Variants in ENOX1 observed in about 807,000 individuals in gnomAD.
ENOX1 encodes ecto-NOX disulfide-thiol exchanger 1.
In ENOX1, 42 loss-of-function variants were observed where a neutral mutation model predicts 82.5. The ratio of observed to expected loss-of-function variants is 0.51; its 90% CI spans 0.40 to 0.66. The LOEUF (loss-of-function observed/expected upper bound fraction) is 0.66. Among genes scored for constraint, ENOX1 ranks in the 30% least tolerant of loss-of-function variants. The probability of loss-of-function intolerance (pLI) is 0.00; values close to 1 mark genes in which losing one functional copy is unlikely to be tolerated. For missense variants in ENOX1, 608 were observed against 811.6 expected (o/e 0.75, Z 3.05); for synonymous variants, 271 against 282.2 (o/e 0.96, Z 0.40).
intron 2 of ENOX1, among the ~76,000 whole-genome samples, chr13:43,613,749 G>T (rs1356987917): frequency 1.3e-5 from 2 of 152,028 alleles, no homozygotes; most frequent in Non-Finnish European, 2.9e-5. Flanking sequence ...CCTATAAGTA[G>T]TAAGAAGATT....
At chr13:43,444,363 T>G (rs1033113328) in intron 3 of ENOX1, among the ~76,000 whole-genome samples, 1 of 152,112 alleles carries the variant, frequency 6.6e-6, no homozygotes, top group Non-Finnish European at 1.5e-5. Context: ...TGAGTGGAGG[T>G]GAAGGCTGAG....
chr13:43,438,715 G>T (rs2056179573), intron 3 of ENOX1, among the ~76,000 whole-genome samples: 1 of 152,148 alleles, frequency 6.6e-6, no homozygotes, highest in Non-Finnish European at 1.5e-5. Context: ...CCTCTGATGG[G>T]CATTGGACTT....
chr13:43,333,842 C>T (rs765580713), intron 9 of ENOX1, among the ~76,000 whole-genome samples: 44 of 152,210 alleles, frequency 2.9e-4, no homozygotes, highest in East Asian at 1.9e-4. Context: ...AGGCTGGTCT[C>T]GAACTCCTGA....
At chr13:43,613,125 A>G (rs1863486814) in intron 2 of ENOX1, among the ~76,000 whole-genome samples, 1 of 152,170 alleles carries the variant, frequency 6.6e-6, no homozygotes, top group East Asian at 1.9e-4. Flanking sequence ...TATTTGAGTG[A>G]TAACAAATTT....
chr13:43,283,229 T>C (rs1464179791), intron 12 of ENOX1, among the ~76,000 whole-genome samples: 5 of 152,178 alleles, frequency 3.3e-5, no homozygotes, highest in Non-Finnish European at 4.4e-5. Flanking sequence ...AATATTCTTA[T>C]ATTTCTTTAG....
intron 5 of ENOX1, among the ~76,000 whole-genome samples, chr13:43,386,898 G>A (rs900196374): frequency 1.3e-5 from 2 of 152,026 alleles, no homozygotes; most frequent in Admixed American, 6.5e-5. Context: ...AAAACTTGAC[G>A]TGGTAACATT....
Position 43,763,824 on chromosome 13 carries a change from G to A in ENOX1, c.-285+22828C>T, listed in dbSNP as rs530066237. Among the ~76,000 whole-genome samples the A allele has an allele frequency of 1.2e-4, 18 of 152,304 alleles. No homozygotes were observed. In the South Asian group the frequency reaches 2.3e-3, roughly 19 times the overall value. On this transcript the variant is annotated intron_variant, in intron 1 of 16. Coordinates refer to ENST00000690772, the MANE Select transcript of ENOX1 (RefSeq NM_001347969.2). ...AAACATTACTGAAAATGTTGCTAGCGTAGAATAAGCAAAAAACTTTTAGAT... is the reference window on the plus strand; with the variant it reads ...AAACATTACTGAAAATGTTGCTAGCATAGAATAAGCAAAAAACTTTTAGAT...
intron 1 of ENOX1, among the ~76,000 whole-genome samples, chr13:43,742,343 C>G (rs1949782014): frequency 6.6e-6 from 1 of 151,874 alleles, no homozygotes; most frequent in Admixed American, 6.6e-5. Flanking sequence ...GTCCAAAGGC[C>G]TAGGAACTAG....
intron 14 of ENOX1, among the ~76,000 whole-genome samples, chr13:43,258,606 A>G (rs1039426284): frequency 1.3e-5 from 2 of 152,142 alleles, no homozygotes; most frequent in African/African-American, 4.8e-5. Context: ...GAAAAATCCA[A>G]CTTCTTGACT....
At chr13:43,417,222 G>A (rs1178697357) in intron 3 of ENOX1, among the ~76,000 whole-genome samples, 2 of 80,172 alleles carry the variant, frequency 2.5e-5, no homozygotes, top group Non-Finnish European at 4.6e-5. Flanking sequence ...GACGGGAGAC[G>A]GGAGACGGGA....
intron 2 of ENOX1, among the ~76,000 whole-genome samples, chr13:43,555,950 G>C (rs930014580): frequency 3.3e-5 from 5 of 152,122 alleles, no homozygotes; most frequent in Non-Finnish European, 7.4e-5. Flanking sequence ...AGGAAGGTTT[G>C]GCCATTATAA....
At chr13:43,730,622 T>C (rs2089284680) in intron 1 of ENOX1, among the ~76,000 whole-genome samples, 1 of 152,112 alleles carries the variant, frequency 6.6e-6, no homozygotes, top group Non-Finnish European at 1.5e-5. Flanking sequence ...ACTGGCTCCA[T>C]CACATTCTTG....
chr13:43,732,641 G>A (rs184671390), intron 1 of ENOX1, among the ~76,000 whole-genome samples: 70 of 152,270 alleles, frequency 4.6e-4, no homozygotes, highest in Non-Finnish European at 8.5e-4. Context: ...GCACAATTAC[G>A]TCAAAGAATA....
chr13:43,443,602 G>T (rs1361304326), intron 3 of ENOX1, among the ~76,000 whole-genome samples: 1 of 152,102 alleles, frequency 6.6e-6, no homozygotes, highest in Non-Finnish European at 1.5e-5. Context: ...TGTGCTGGCA[G>T]GACAGACACG....
chr13:43,523,421 G>C (rs570918537), intron 2 of ENOX1, among the ~76,000 whole-genome samples: 1 of 152,136 alleles, frequency 6.6e-6, no homozygotes, highest in Non-Finnish European at 1.5e-5. Context: ...ATAGAAAACA[G>C]AGAATAAGGG....
intron 1 of ENOX1, among the ~76,000 whole-genome samples, chr13:43,743,013 A>G (rs867357040): frequency 6.6e-6 from 1 of 152,188 alleles, no homozygotes; most frequent in African/African-American, 2.4e-5. Context: ...GGGCACATAG[A>G]TGGCACTAGT....
At chr13:43,603,896 T>C (rs1328383807) in intron 2 of ENOX1, among the ~76,000 whole-genome samples, 2 of 105,776 alleles carry the variant, frequency 1.9e-5, no homozygotes, top group East Asian at 3.2e-4. Flanking sequence ...CCTTTGGGTA[T>C]ATACCCAGTA....
At chr13:43,221,314 T>C (rs1266526789) in intron 16 of ENOX1, among the ~76,000 whole-genome samples, 2 of 152,242 alleles carry the variant, frequency 1.3e-5, no homozygotes, top group Non-Finnish European at 2.9e-5. Flanking sequence ...AGTATTCATC[T>C]GCTAATGCTC....
intron 9 of ENOX1, among the ~76,000 whole-genome samples, chr13:43,328,597 G>A (rs1466923135): frequency 6.6e-6 from 1 of 152,100 alleles, no homozygotes; most frequent in Non-Finnish European, 1.5e-5. Flanking sequence ...CGTGTAAGGG[G>A]CCAGAGAGAA....
Sources: allele counts gnomAD v4.1 joint callset (sites outside exome capture counted in the v4.1 genomes callset), GRCh38; gene constraint gnomAD v4.1.1; transcripts MANE v1.5; gene names NCBI Gene and HGNC (gene_info 2026-07-23, HGNC 2026-07-21).